Variants in DAB1 observed in about 807,000 individuals in gnomAD.
DAB1 encodes the protein DAB adaptor protein 1, also known as disabled homolog 1.
Under a neutral mutation model 64.6 loss-of-function variants are expected in DAB1, and 15 were observed. The ratio of observed to expected loss-of-function variants is 0.23; its 90% CI spans 0.16 to 0.36. DAB1 has a LOEUF of 0.36. DAB1 is among the 10% of genes least tolerant of loss of function. The pLI is 1.00. For synonymous variants in DAB1, 235 were observed against 251.9 expected (o/e 0.93, Z 0.64); for missense variants, 596 against 706.7 (o/e 0.84, Z 1.78).
intron 3 of DAB1, among the ~76,000 whole-genome samples, chr1:57,138,358 A>G (rs1658305256): frequency 6.6e-6 from 1 of 152,166 alleles, no homozygotes; most frequent in African/African-American, 2.4e-5. Context: ...AGCTGAGACT[A>G]TAACTCAGCT....
At chr1:57,758,211 T>C (rs1648907688) in intron 6 of DAB1, among the ~76,000 whole-genome samples, 1 of 152,206 alleles carries the variant, frequency 6.6e-6, no homozygotes. Flanking sequence ...CTAGGTACTT[T>C]TAATACATCT....
intron 4 of DAB1, among the ~76,000 whole-genome samples, chr1:58,231,030 G>A (rs1659753625): frequency 6.6e-6 from 1 of 152,224 alleles, no homozygotes; most frequent in South Asian, 2.1e-4. Flanking sequence ...TTGCAATGGG[G>A]ACGATTATAG....
intron 5 of DAB1, among the ~76,000 whole-genome samples, chr1:58,032,554 A>G (rs1292769676): frequency 1.3e-5 from 2 of 152,166 alleles, no homozygotes; most frequent in African/African-American, 4.8e-5. Flanking sequence ...TATTTTATAA[A>G]TGTCTATCCC....
chr1:58,386,958 G>A (rs1644437413), intron 3 of DAB1, among the ~76,000 whole-genome samples: 1 of 152,202 alleles, frequency 6.6e-6, no homozygotes, highest in Non-Finnish European at 1.5e-5. Context: ...TACTCAGCAG[G>A]CTGAGGTAGG....
chr1:57,253,496 G>A (rs1482830111), intron 2 of DAB1, among the ~76,000 whole-genome samples: 1 of 152,144 alleles, frequency 6.6e-6, no homozygotes, highest in Non-Finnish European at 1.5e-5. Flanking sequence ...ATCACACAGT[G>A]GCAGACAGGG....
At chr1:57,479,466 A>T (rs944136801) in intron 7 of DAB1, among the ~76,000 whole-genome samples, 1 of 149,376 alleles carries the variant, frequency 6.7e-6, no homozygotes, top group Non-Finnish European at 1.5e-5. Context: ...TATATATATA[A>T]AAATATATAA....
intron 6 of DAB1, among the ~76,000 whole-genome samples, chr1:57,793,155 C>G (rs1033119513): frequency 6.6e-6 from 1 of 152,072 alleles, no homozygotes; most frequent in Non-Finnish European, 1.5e-5. Flanking sequence ...AGGCTAGAGC[C>G]CCAAGGTACA....
At chr1:57,664,121 TG>T (rs922925111) in intron 6 of DAB1, among the ~76,000 whole-genome samples, 8 of 151,874 alleles carry the variant, frequency 5.3e-5, no homozygotes, top group African/African-American at 1.7e-4. Flanking sequence ...TTGAATTAAA[TG>T]GGGGAAAAAA....
intron 1 of DAB1, chr1:57,876,738 G>A (rs1349301772): frequency 1.3e-5 from 2 of 152,138 alleles, no homozygotes. Context: ...TAGTTGACAT[G>A]CAGGCTGGAC....
intron 7 of DAB1, among the ~76,000 whole-genome samples, chr1:57,508,791 G>A (rs1190798506): frequency 6.6e-6 from 1 of 152,154 alleles, no homozygotes; most frequent in South Asian, 2.1e-4. Flanking sequence ...AATTCCTTGA[G>A]ATAGGGAGAG....
rs1469619524 is a variant in DAB1 at position 56,995,743 on chromosome 1, T to C, written c.*2401A>G. The C allele has an allele frequency of 1.3e-5, 2 of 152,188 alleles. No individual in the cohort carries two copies. The highest frequency in any genetic ancestry group is 6.5e-5 in the Admixed American group (1 of 15,280). 9.4% of individuals were successfully genotyped at this position (152,188 alleles called of 1,614,324 possible). A position where few individuals can be genotyped will look rare whatever the true frequency, so the allele number is the denominator to read the frequency against. On this transcript the variant is annotated 3_prime_UTR_variant, in exon 15 of 15. Transcript: ENST00000371236. ...GCACCACTTGTTTAGAATCAAATCA[T>C]AGGCAACAAAGCAATTTAAGCAATT...
At chr1:57,949,549 T>TACAC (rs879869080) in intron 5 of DAB1, among the ~76,000 whole-genome samples, 1 of 134,742 alleles carries the variant, frequency 7.4e-6, no homozygotes, top group African/African-American at 3.6e-5. Context: ...ATCATCTATC[T>TACAC]ACACACACAC....
In DAB1 at chr1:57,955,371, G is replaced by A. The variant is rs750196979; in HGVS notation, n.388-71209C>T. On this transcript the variant is annotated intron_variant and non_coding_transcript_variant, in intron 5 of 20. Coordinates refer to the DAB1 transcript ENST00000485760. ...AGGACACGTAGCTGAGGGAAATCTA[G>A]CATCCCAGTTAATCTGACTTAGTCC... 4.6e-5 allele frequency among the ~76,000 whole-genome samples: 7 copies of A among 152,142 alleles called. No individual in the cohort carries two copies. The South Asian group carries it at 6.2e-4, about 14-fold the overall frequency.
At chr1:58,217,944 A>G (rs1347891189) in intron 4 of DAB1, among the ~76,000 whole-genome samples, 1 of 152,038 alleles carries the variant, frequency 6.6e-6, no homozygotes, top group African/African-American at 2.4e-5. Context: ...GAGTGCTAAT[A>G]TAATTCTGAG....
At chr1:57,209,162 T>A (rs1665816804) in intron 2 of DAB1, among the ~76,000 whole-genome samples, 1 of 152,256 alleles carries the variant, frequency 6.6e-6, no homozygotes, top group Non-Finnish European at 1.5e-5. Flanking sequence ...GATGGAAGAA[T>A]AAACTGAGGG....
At chr1:57,675,691 C>A (rs1249090375) in intron 6 of DAB1, among the ~76,000 whole-genome samples, 1 of 152,060 alleles carries the variant, frequency 6.6e-6, no homozygotes, top group Non-Finnish European at 1.5e-5. Flanking sequence ...CTATTCAGCA[C>A]AAATATATAC....
Position 58,470,618 on chromosome 1 carries a change from T to C in DAB1, n.257+35442A>G, listed in dbSNP as rs563950866. ...CTGTCTCATCACCAAACTGGAAACCTGGTTAGCGAAGACTGCAGTTTCTTT... is the reference window on the plus strand; with the variant it reads ...CTGTCTCATCACCAAACTGGAAACCCGGTTAGCGAAGACTGCAGTTTCTTT... On this transcript the variant is annotated intron_variant and non_coding_transcript_variant, in intron 3 of 20. Coordinates refer to the DAB1 transcript ENST00000485760. Among the ~76,000 whole-genome samples, 184 of 152,274 alleles carry C rather than the reference T, an allele frequency of 1.2e-3. 1 individual carries two copies. The highest frequency in any genetic ancestry group is 4.1e-3 in the African/African-American group (171 of 41,536).
chr1:58,055,513 A>G (rs1647996801), intron 5 of DAB1, among the ~76,000 whole-genome samples: 3 of 144,672 alleles, frequency 2.1e-5, no homozygotes, highest in African/African-American at 5.0e-5. Context: ...GACAGTCAGT[A>G]TATTTTCTTT....
At chr1:57,813,213 A>T (rs1048679477) in intron 6 of DAB1, among the ~76,000 whole-genome samples, 4 of 152,234 alleles carry the variant, frequency 2.6e-5, no homozygotes, top group African/African-American at 9.6e-5. Flanking sequence ...GAAATATGAA[A>T]TAACATGGCA....
Sources: allele counts gnomAD v4.1 joint callset (sites outside exome capture counted in the v4.1 genomes callset), GRCh38; gene constraint gnomAD v4.1.1; transcripts MANE v1.5; gene names NCBI Gene and HGNC (gene_info 2026-07-23, HGNC 2026-07-21).